CDH12: variants seen among roughly 807,000 people sequenced by gnomAD.
The protein encoded by CDH12 is cadherin 12.
A neutral mutation model predicts 74.1 loss-of-function variants in CDH12; 41 were observed. The ratio of observed to expected loss-of-function variants is 0.55; its 90% CI spans 0.43 to 0.72. CDH12 has a LOEUF of 0.72. CDH12 is among the 30% of genes least tolerant of loss of function. CDH12 has a pLI of 0.00. For missense variants in CDH12, 945 were observed against 977.2 expected, an observed-to-expected ratio of 0.97 and a Z score of 0.44; for synonymous variants, 399 against 355.0, an observed-to-expected ratio of 1.12 and a Z score of -1.39.
intron 2 of CDH12, among the ~76,000 whole-genome samples, chr5:22,502,718 G>A (rs945282461): frequency 6.6e-6 from 1 of 151,400 alleles, no homozygotes; most frequent in African/African-American, 2.4e-5. Flanking sequence ...AAAGCAAACC[G>A]ACTAAAACAA....
chr5:22,093,486 A>G (rs755145996), intron 4 of CDH12, among the ~76,000 whole-genome samples: 23 of 152,232 alleles, frequency 1.5e-4, no homozygotes, highest in Non-Finnish European at 3.2e-4. Context: ...ATGAAATTTT[A>G]AAACATTTTG....
At chr5:22,697,537 A>G (rs1399345094) in intron 1 of CDH12, among the ~76,000 whole-genome samples, 1 of 143,160 alleles carries the variant, frequency 7.0e-6, no homozygotes, top group Non-Finnish European at 1.5e-5. Flanking sequence ...GCACCACTGC[A>G]CTCCAGCGTG....
chr5:22,833,284 G>T (rs1252703700), intron 1 of CDH12, among the ~76,000 whole-genome samples: 6 of 152,130 alleles, frequency 3.9e-5, no homozygotes, highest in Non-Finnish European at 7.4e-5. Flanking sequence ...AGAGTACAAA[G>T]AAAGTAAGGA....
rs565128703 is a variant in CDH12 at position 21,881,808 on chromosome 5, C to T, written c.527-27018G>A. 1.3e-4 allele frequency among the ~76,000 whole-genome samples: 20 copies of T among 152,200 alleles called. 1 individual carries two copies. In the South Asian group the frequency reaches 3.7e-3, roughly 28 times the overall value. On this transcript the variant is annotated intron_variant, in intron 6 of 14. Transcript: ENST00000382254. ...GAATTTTCCACAGTAGCTACACTTG[C>T]CTAAGATCAGATATGCATAATATGT...
chr5:22,781,392 A>G (rs146181714), intron 1 of CDH12, among the ~76,000 whole-genome samples: 2 of 152,328 alleles, frequency 1.3e-5, no homozygotes, highest in African/African-American at 4.8e-5. Flanking sequence ...TATAATTTAT[A>G]TGACTGTGAT....
At chr5:22,750,603 G>A (rs1745515782) in intron 1 of CDH12, among the ~76,000 whole-genome samples, 1 of 152,138 alleles carries the variant, frequency 6.6e-6, no homozygotes, top group Non-Finnish European at 1.5e-5. Context: ...AGTCAAAACT[G>A]GAAAGCTCTG....
At chr5:22,540,617 C>T (rs753361241) in intron 1 of CDH12, among the ~76,000 whole-genome samples, 15 of 152,000 alleles carry the variant, frequency 9.9e-5, no homozygotes, top group Non-Finnish European at 1.5e-4. Flanking sequence ...GAAAATAATT[C>T]ACACAGGATT....
intron 1 of CDH12, among the ~76,000 whole-genome samples, chr5:22,665,149 A>C (rs1740548159): frequency 6.6e-6 from 1 of 152,198 alleles, no homozygotes; most frequent in Admixed American, 6.5e-5. Context: ...AAAATCCTTC[A>C]GTGAAACTAT....
At chr5:22,623,649 T>A (rs964408171) in intron 1 of CDH12, among the ~76,000 whole-genome samples, 2 of 152,054 alleles carry the variant, frequency 1.3e-5, no homozygotes, top group African/African-American at 2.4e-5. Flanking sequence ...AAACCACTGC[T>A]CAATGAAATA....
chr5:22,097,048 G>A (rs1393430158), intron 4 of CDH12, among the ~76,000 whole-genome samples: 1 of 152,094 alleles, frequency 6.6e-6, no homozygotes, highest in Non-Finnish European at 1.5e-5. Context: ...CAGCACACAA[G>A]GACTCCAAAT....
chr5:22,749,366 G>T (rs531633324), intron 1 of CDH12, among the ~76,000 whole-genome samples: 1 of 152,298 alleles, frequency 6.6e-6, no homozygotes, highest in Non-Finnish European at 1.5e-5. Flanking sequence ...CTTTACTAAG[G>T]TGGGGCAACA....
At chr5:22,727,539 A>C (rs1744223540) in intron 1 of CDH12, among the ~76,000 whole-genome samples, 5 of 151,566 alleles carry the variant, frequency 3.3e-5, no homozygotes, top group Admixed American at 3.3e-4. Context: ...ACTCGTTTAG[A>C]TTTGCATATT....
At chr5:22,400,228 G>GT (rs890332340) in intron 3 of CDH12, among the ~76,000 whole-genome samples, 14 of 151,624 alleles carry the variant, frequency 9.2e-5, no homozygotes, top group Non-Finnish European at 2.1e-4. Flanking sequence ...ATTGGATGTT[G>GT]TTTTTTTTAT....
rs1755668066 is a variant in CDH12, at chr5:21,948,250, C to A, written c.526+26841G>T. Among the ~76,000 whole-genome samples the A allele has an allele frequency of 1.3e-5, 2 of 152,134 alleles. 1 individual carries two copies. Among genetic ancestry groups the A allele is most frequent in the South Asian group, 4.1e-4 (2 of 4,828 alleles). ...TCTCCAGACCCCTGAATGGAAGATCCACCAACAGCTTGTACTGTGCACCTG... is the reference window on the plus strand; with the variant it reads ...TCTCCAGACCCCTGAATGGAAGATCAACCAACAGCTTGTACTGTGCACCTG... On this transcript the variant is annotated intron_variant, in intron 6 of 14. Transcript: ENST00000382254.
At position 21,769,083 on chromosome 5, in the gene CDH12, A is replaced by T. The variant is rs557042483; in HGVS notation, c.1394-3984T>A. ...AAACCCTAGTCCATTCGTGATAAAA[A>T]CTCTCAAGAAACAATAAATAAAAGG... On this transcript the variant is annotated intron_variant, in intron 11 of 14. Transcript: ENST00000382254. 5.7e-4 allele frequency among the ~76,000 whole-genome samples: 87 copies of T among 152,102 alleles called. 1 individual carries two copies. The highest frequency in any genetic ancestry group is 2.0e-3 in the African/African-American group (82 of 41,540).
chr5:21,799,326 G>T (rs1746981845), intron 10 of CDH12, among the ~76,000 whole-genome samples: 1 of 152,046 alleles, frequency 6.6e-6, no homozygotes, highest in Admixed American at 6.6e-5. Context: ...ACTGCTTGCA[G>T]TAAAATGTGA....
chr5:22,170,773 A>AT (rs1204187205), intron 4 of CDH12, among the ~76,000 whole-genome samples: 2 of 151,776 alleles, frequency 1.3e-5, no homozygotes, highest in African/African-American at 2.4e-5. Flanking sequence ...CTGGTGCCAC[A>AT]TTTTTTGTGA....
intron 8 of CDH12, among the ~76,000 whole-genome samples, chr5:21,835,158 A>C (rs1460668240): frequency 1.3e-5 from 2 of 151,908 alleles, no homozygotes; most frequent in African/African-American, 4.8e-5. Flanking sequence ...TACTCACAAC[A>C]ATAACAAAGT....
chr5:21,826,452 T>C (rs1206091585), intron 8 of CDH12, among the ~76,000 whole-genome samples: 1 of 152,172 alleles, frequency 6.6e-6, no homozygotes, highest in Non-Finnish European at 1.5e-5. Context: ...GTTGACACGC[T>C]ACCATTTTTC....
Sources: allele counts gnomAD v4.1 joint callset (sites outside exome capture counted in the v4.1 genomes callset), GRCh38; gene constraint gnomAD v4.1.1; transcripts MANE v1.5; gene names NCBI Gene and HGNC (gene_info 2026-07-23, HGNC 2026-07-21).